ADGRL3: variants seen among roughly 807,000 people sequenced by gnomAD.
The protein encoded by ADGRL3 is calcium-independent alpha-latrotoxin receptor 3.
ADGRL3 carries 62 observed loss-of-function variants against 153.5 expected under a neutral mutation model. The observed-to-expected ratio is 0.40, with a 90% CI of 0.33 to 0.50. The LOEUF is 0.50. Ranked by LOEUF, ADGRL3 falls within the 20% of genes least tolerant of loss-of-function variation. The probability of loss-of-function intolerance (pLI) is 0.47; values close to 1 mark genes in which losing one functional copy is unlikely to be tolerated. For synonymous variants in ADGRL3, 710 were observed against 672.5 expected (o/e 1.06, Z -0.86); for missense variants, 1,641 against 1,859.4 (o/e 0.88, Z 2.16).
chr4:61,540,471 C>T (rs2098683160), intron 4 of ADGRL3, among the ~76,000 whole-genome samples: 3 of 152,000 alleles, frequency 2.0e-5, no homozygotes. Context: ...TTCACTTGAA[C>T]CCACAAGGCG....
intron 17 of ADGRL3, among the ~76,000 whole-genome samples, chr4:61,974,470 A>T (rs1259924223): frequency 6.6e-6 from 1 of 152,058 alleles, no homozygotes; most frequent in East Asian, 1.9e-4. Context: ...TAGGCTTTTT[A>T]TTAAACGAAA....
intron 24 of ADGRL3, among the ~76,000 whole-genome samples, chr4:62,041,753 A>G (rs1308561135): frequency 6.6e-6 from 1 of 152,098 alleles, no homozygotes; most frequent in African/African-American, 2.4e-5. Context: ...TTTCACTCCC[A>G]TATTCTAAAA....
chr4:61,926,579 T>A (rs2098795291), intron 13 of ADGRL3, among the ~76,000 whole-genome samples: 1 of 152,202 alleles, frequency 6.6e-6, no homozygotes, highest in Non-Finnish European at 1.5e-5. Context: ...AGCAAGTTAC[T>A]TAACTTCCCT....
chr4:61,721,465 G>T (rs1218428481), intron 6 of ADGRL3, among the ~76,000 whole-genome samples: 1 of 152,160 alleles, frequency 6.6e-6, no homozygotes, highest in Non-Finnish European at 1.5e-5. Context: ...CAACAAGTTT[G>T]CTCTTTCCAA....
intron 5 of ADGRL3, among the ~76,000 whole-genome samples, chr4:61,673,834 G>A (rs1580212109): frequency 6.6e-6 from 1 of 150,612 alleles, no homozygotes; most frequent in South Asian, 2.1e-4. Flanking sequence ...CATAGTAATA[G>A]AATCATAAAT....
chr4:61,445,150 T>A (rs1025908270), intron 2 of ADGRL3, among the ~76,000 whole-genome samples: 11 of 152,216 alleles, frequency 7.2e-5, no homozygotes, highest in African/African-American at 2.7e-4. Flanking sequence ...CATTATCTTA[T>A]GTAATCTAAG....
intron 5 of ADGRL3, among the ~76,000 whole-genome samples, chr4:61,675,866 A>G (rs1392724489): frequency 6.6e-6 from 1 of 151,702 alleles, no homozygotes; most frequent in Non-Finnish European, 1.5e-5. Flanking sequence ...GACTGTAGTC[A>G]CCCAATTGTG....
chr4:61,427,229 T>A (rs1336076372), intron 2 of ADGRL3: 1 of 152,574 alleles, frequency 6.6e-6, no homozygotes, highest in African/African-American at 2.4e-5. Context: ...ATTTCCTGAA[T>A]TACCTGCACC....
At chr4:61,816,176 A>G (rs1283969867) in intron 9 of ADGRL3, among the ~76,000 whole-genome samples, 2 of 152,218 alleles carry the variant, frequency 1.3e-5, no homozygotes, top group Non-Finnish European at 2.9e-5. Context: ...TATGATTTGA[A>G]AAAGAGTACT....
intron 21 of ADGRL3, among the ~76,000 whole-genome samples, chr4:62,017,177 G>GTTAT (rs2099216056): frequency 6.6e-6 from 1 of 151,976 alleles, no homozygotes; most frequent in Non-Finnish European, 1.5e-5. Context: ...GTTTATACCA[G>GTTAT]TTATTTATTT....
At chr4:61,583,275 C>G (rs1205747951) in intron 4 of ADGRL3, among the ~76,000 whole-genome samples, 1 of 152,040 alleles carries the variant, frequency 6.6e-6, no homozygotes, top group East Asian at 1.9e-4. Context: ...TCACCTACTT[C>G]TAGCCTCCTG....
intron 2 of ADGRL3, among the ~76,000 whole-genome samples, chr4:61,394,157 T>C (rs1174111736): frequency 2.0e-5 from 3 of 152,002 alleles, no homozygotes; most frequent in Non-Finnish European, 4.4e-5. Flanking sequence ...ATAATCTCTT[T>C]TGGAGAGAAT....
chr4:61,763,125 GA>G (rs1160341571), intron 8 of ADGRL3, among the ~76,000 whole-genome samples: 3 of 150,540 alleles, frequency 2.0e-5, no homozygotes, highest in African/African-American at 7.4e-5. Flanking sequence ...TTTGCATAAA[GA>G]TTTTTTTTCT....
At chr4:61,837,323 T>C (rs2097951894) in intron 9 of ADGRL3, among the ~76,000 whole-genome samples, 1 of 152,140 alleles carries the variant, frequency 6.6e-6, no homozygotes, top group Admixed American at 6.5e-5. Flanking sequence ...TGTAATGCAC[T>C]TGCAAAGACT....
At chr4:61,342,429 C>G (rs184251658) in intron 1 of ADGRL3, among the ~76,000 whole-genome samples, 1 of 151,956 alleles carries the variant, frequency 6.6e-6, no homozygotes, top group African/African-American at 2.4e-5. Context: ...AGAGAAATGC[C>G]GTACAGATAC....
chr4:61,694,344 G>T (rs938466261), intron 6 of ADGRL3, among the ~76,000 whole-genome samples: 5 of 151,230 alleles, frequency 3.3e-5, no homozygotes, highest in African/African-American at 1.2e-4. Context: ...TTAAATATAG[G>T]CATACTTCAG....
chr4:61,569,451 C>A (rs1444798849), intron 4 of ADGRL3, among the ~76,000 whole-genome samples: 2 of 152,096 alleles, frequency 1.3e-5, no homozygotes, highest in Non-Finnish European at 2.9e-5. Flanking sequence ...ACTCCCAAAC[C>A]TGCTGGGTGT....
At chr4:61,652,393 T>C (rs548410158) in intron 5 of ADGRL3, among the ~76,000 whole-genome samples, 1 of 152,308 alleles carries the variant, frequency 6.6e-6, no homozygotes, top group African/African-American at 2.4e-5. Context: ...TTTGGATTAA[T>C]TGATTAAATA....
At chr4:61,233,445 AG>A (rs1291873371) in intron 1 of ADGRL3, among the ~76,000 whole-genome samples, 3 of 152,144 alleles carry the variant, frequency 2.0e-5, no homozygotes, top group Non-Finnish European at 4.4e-5. Flanking sequence ...AGTCCTATGT[AG>A]GAAAGAAGAA....
Sources: gnomAD v4.1 joint callset for allele counts (sites outside exome capture counted in the v4.1 genomes callset) on GRCh38, gnomAD v4.1.1 for gene constraint, MANE v1.5 for transcripts, NCBI Gene and HGNC (gene_info 2026-07-23, HGNC 2026-07-21) for gene names.